GRAMD2B: variants seen among roughly 807,000 people sequenced by gnomAD.
The protein encoded by GRAMD2B is GRAM domain-containing protein 2B.
In GRAMD2B, 41 loss-of-function variants were observed where a neutral mutation model predicts 59.2. The ratio of observed to expected loss-of-function variants is 0.69; its 90% CI spans 0.54 to 0.90. The LOEUF (loss-of-function observed/expected upper bound fraction) is 0.90. Ranked by LOEUF, GRAMD2B falls within the 40% of genes least tolerant of loss-of-function variation. GRAMD2B has a pLI of 0.00. For synonymous variants in GRAMD2B, 161 were observed against 182.7 expected, an observed-to-expected ratio of 0.88 and a Z score of 0.96; for missense variants, 424 against 500.5, an observed-to-expected ratio of 0.85 and a Z score of 1.46.
At chr5:126,428,773 A>G (rs1476941999) in intron 1 of GRAMD2B, among the ~76,000 whole-genome samples, 3 of 152,214 alleles carry the variant, frequency 2.0e-5, no homozygotes, top group African/African-American at 7.2e-5. Flanking sequence ...TACAGCCAAC[A>G]ATCATGAAAA....
intron 1 of GRAMD2B, among the ~76,000 whole-genome samples, chr5:126,372,696 G>T (rs1160449132): frequency 6.6e-6 from 1 of 151,970 alleles, no homozygotes; most frequent in Non-Finnish European, 1.5e-5. Flanking sequence ...TTGAGCAAGG[G>T]TATAATTCTG....
chr5:126,487,634 G>C (rs73785323), intron 12 of GRAMD2B, among the ~76,000 whole-genome samples: 1 of 152,174 alleles, frequency 6.6e-6, no homozygotes, highest in Non-Finnish European at 1.5e-5. Context: ...GATATTTCCT[G>C]ACAGAGTATT....
intron 1 of GRAMD2B, among the ~76,000 whole-genome samples, chr5:126,404,560 C>G (rs1251266274): frequency 6.6e-6 from 1 of 151,838 alleles, no homozygotes; most frequent in East Asian, 1.9e-4. Flanking sequence ...AAAATGCCAG[C>G]CTGGAAATCA....
At chr5:126,451,503 T>C (rs1320513677) in intron 1 of GRAMD2B, among the ~76,000 whole-genome samples, 1 of 152,168 alleles carries the variant, frequency 6.6e-6, no homozygotes, top group East Asian at 1.9e-4. Context: ...GGAATGTTTA[T>C]CCAGTGCCTG....
intron 1 of GRAMD2B, among the ~76,000 whole-genome samples, chr5:126,440,839 T>A: frequency 6.6e-6 from 1 of 152,142 alleles, no homozygotes; most frequent in Admixed American, 6.6e-5. Flanking sequence ...AATGGTATAT[T>A]TTATAGCATT....
intron 1 of GRAMD2B, among the ~76,000 whole-genome samples, chr5:126,362,425 CAATCATCATTATT>C (rs1470260781): frequency 6.6e-6 from 1 of 152,176 alleles, no homozygotes; most frequent in Non-Finnish European, 1.5e-5. Context: ...ATTTTGTTGA[CAATCATCATTATT>C]AGTGTTCTTT....
In GRAMD2B at chr5:126,433,553, C is replaced by T. The variant is rs181763139; in HGVS notation, c.83+9864C>T. ...AGAATTTCTAATGTTCTGTAGAAGACAAGATTAGCTGTCAATTAAGCACTT... is the reference window on the plus strand; with the variant it reads ...AGAATTTCTAATGTTCTGTAGAAGATAAGATTAGCTGTCAATTAAGCACTT... On this transcript the variant is annotated intron_variant, in intron 1 of 13. Transcript: ENST00000285689. 2.0e-5 allele frequency: 3 copies of T among 152,306 alleles called. No individual in the cohort carries two copies. The East Asian group carries it at 5.8e-4, about 29-fold the overall frequency. 9.4% of individuals were successfully genotyped at this position (152,306 alleles called of 1,614,324 possible). A position where few individuals can be genotyped will look rare whatever the true frequency, so the allele number is the denominator to read the frequency against.
intron 1 of GRAMD2B, among the ~76,000 whole-genome samples, chr5:126,441,858 C>CTG (rs1430124819): frequency 1.3e-5 from 2 of 152,080 alleles, no homozygotes; most frequent in African/African-American, 4.8e-5. Flanking sequence ...CAGAACCTAC[C>CTG]TGATAATTGT....
intron 1 of GRAMD2B, among the ~76,000 whole-genome samples, chr5:126,379,153 G>A (rs200632040): frequency 2.6e-5 from 4 of 151,740 alleles, no homozygotes; most frequent in African/African-American, 4.8e-5. Flanking sequence ...GAGAACATAC[G>A]ATATTTGATT....
intron 1 of GRAMD2B, among the ~76,000 whole-genome samples, chr5:126,435,548 G>A (rs377407157): frequency 1.9e-4 from 29 of 152,200 alleles, no homozygotes; most frequent in African/African-American, 5.5e-4. Context: ...CTTCTTTTCC[G>A]GCTTTGGGCT....
At chr5:126,440,423 A>C (rs1763097338) in intron 1 of GRAMD2B, among the ~76,000 whole-genome samples, 1 of 152,226 alleles carries the variant, frequency 6.6e-6, no homozygotes, top group African/African-American at 2.4e-5. Flanking sequence ...ATAAAAAGAT[A>C]GACCCATAGC....
chr5:126,430,604 C>T (rs1761398223), intron 1 of GRAMD2B, among the ~76,000 whole-genome samples: 1 of 152,134 alleles, frequency 6.6e-6, no homozygotes, highest in Non-Finnish European at 1.5e-5. Flanking sequence ...TCGTAGAAAT[C>T]TTTGTTCCAT....
intron 1 of GRAMD2B, among the ~76,000 whole-genome samples, chr5:126,448,099 AC>A (rs1248731725): frequency 3.3e-5 from 5 of 151,866 alleles, no homozygotes; most frequent in Non-Finnish European, 7.4e-5. Flanking sequence ...CAAGTAACCC[AC>A]CCGCCTCAGC....
At chr5:126,484,659 C>G (rs373201720) in intron 10 of GRAMD2B, 135 bp downstream of exon 10, 1 of 790,528 alleles carries the variant, frequency 1.3e-6, no homozygotes, top group Non-Finnish European at 1.9e-6. Flanking sequence ...TCTTGGCTCA[C>G]TGCAACCTCT....
intron 1 of GRAMD2B, among the ~76,000 whole-genome samples, chr5:126,386,312 A>G (rs1171572821): frequency 1.3e-5 from 2 of 152,216 alleles, no homozygotes; most frequent in East Asian, 3.8e-4. Flanking sequence ...TCCGAATTCC[A>G]AATCAGTCAT....
At chr5:126,396,539 T>C (rs943877416) in intron 1 of GRAMD2B, among the ~76,000 whole-genome samples, 1 of 152,270 alleles carries the variant, frequency 6.6e-6, no homozygotes, top group African/African-American at 2.4e-5. Flanking sequence ...TAGTATTGCA[T>C]GGTGTATATG....
intron 1 of GRAMD2B, among the ~76,000 whole-genome samples, chr5:126,425,968 T>C (rs1394083303): frequency 2.6e-5 from 4 of 151,998 alleles, no homozygotes; most frequent in Non-Finnish European, 4.4e-5. Context: ...TGAATAATAA[T>C]ATGTTGTATA....
Position 126,391,319 on chromosome 5 carries a change from C to CAAAAAAAAAAAA in GRAMD2B, c.125+19762_125+19773dup, listed in dbSNP as rs61181985. 1.1e-3 allele frequency among the ~76,000 whole-genome samples: 81 copies of CAAAAAAAAAAAA among 76,336 alleles called. 7 individuals carry two copies. The highest frequency in any genetic ancestry group is 2.8e-3 in the African/African-American group (58 of 20,926). 50.1% of individuals were successfully genotyped at this position (76,336 alleles called of 152,430 possible). A position where few individuals can be genotyped will look rare whatever the true frequency, so the allele number is the denominator to read the frequency against. ...TGGGCAAGAGAGGGAGACTCCATCTCAAAAAAAAAAAAAAAAAAAAACTTG... is the reference window on the plus strand; with the variant it reads ...TGGGCAAGAGAGGGAGACTCCATCTCAAAAAAAAAAAAAAAAAAAAAAAAAAAAAAAAACTTG... On this transcript the variant is annotated intron_variant, in intron 1 of 8. Transcript: ENST00000506445.
At chr5:126,361,673 G>A (rs1330722039) in intron 1 of GRAMD2B, among the ~76,000 whole-genome samples, 1 of 151,988 alleles carries the variant, frequency 6.6e-6, no homozygotes, top group African/African-American at 2.4e-5. Flanking sequence ...AACTGCCCAG[G>A]GCTCTGCAGT....
Sources: gnomAD v4.1 joint callset for allele counts (sites outside exome capture counted in the v4.1 genomes callset) on GRCh38, gnomAD v4.1.1 for gene constraint, MANE v1.5 for transcripts, NCBI Gene and HGNC (gene_info 2026-07-23, HGNC 2026-07-21) for gene names.